The following KPNA5 variants were observed in gnomAD, a reference collection of about 807,000 sequenced individuals.
The protein encoded by KPNA5 is importin subunit alpha-6.
A neutral mutation model predicts 71.3 loss-of-function variants in KPNA5; 46 were observed. The ratio of observed to expected loss-of-function variants is 0.65; its 90% CI spans 0.51 to 0.83. The LOEUF (loss-of-function observed/expected upper bound fraction) is 0.83, where lower values mean the gene tolerates loss of function less well. Among genes scored for constraint, KPNA5 ranks in the 40% least tolerant of loss-of-function variants. KPNA5 has a pLI of 0.00. For missense variants in KPNA5, 547 were observed against 628.3 expected (o/e 0.87, Z 1.38); for synonymous variants, 207 against 201.4 (o/e 1.03, Z -0.24).
chr6:116,694,938 A>T (rs111767834), intron 4 of KPNA5, among the ~76,000 whole-genome samples: 67 of 152,176 alleles, frequency 4.4e-4, no homozygotes, highest in African/African-American at 1.5e-3. Context: ...ATTTTTATGA[A>T]CATTCACAAT....
chr6:116,730,000 G>T, intron 13 of KPNA5, among the ~76,000 whole-genome samples: 2 of 149,036 alleles, frequency 1.3e-5, no homozygotes, highest in African/African-American at 2.5e-5. Flanking sequence ...TTAACATTTT[G>T]GAGAAATTTT....
rs1349923783 is a variant in KPNA5, at chr6:116,734,746, A to C, written c.*2423A>C. The C allele has an allele frequency of 6.6e-6, 1 of 151,114 alleles. No individual in the cohort carries two copies. The highest frequency in any genetic ancestry group is 1.5e-5 in the Non-Finnish European group (1 of 67,572). The allele number at this position is 151,114 out of a possible 1,614,324, so 9.4% of individuals were successfully genotyped here. A position where few individuals can be genotyped will look rare whatever the true frequency, so the allele number is the denominator to read the frequency against. ...AAAAAAAAAAAGAAAGAAAGAAAAG[A>C]AAAAAATAAATAAAATGCTCCAAAA... On this transcript the variant is annotated 3_prime_UTR_variant, in exon 14 of 14. Coordinates refer to ENST00000368564, the MANE Select transcript of KPNA5 (RefSeq NM_001366306.2).
At chr6:116,686,164 C>T (rs997105728) in intron 1 of KPNA5, among the ~76,000 whole-genome samples, 12 of 152,062 alleles carry the variant, frequency 7.9e-5, no homozygotes, top group Non-Finnish European at 8.8e-5. Flanking sequence ...CTCTGCCTCC[C>T]GCCTCTGCCT....
chr6:116,695,197 G>A (rs944613760), intron 4 of KPNA5, among the ~76,000 whole-genome samples: 2 of 152,022 alleles, frequency 1.3e-5, no homozygotes, highest in Non-Finnish European at 2.9e-5. Context: ...CCAAAGTTCT[G>A]TGATTACAGG....
chr6:116,700,136 A>C (rs1412763366), intron 5 of KPNA5, among the ~76,000 whole-genome samples: 1 of 152,110 alleles, frequency 6.6e-6, no homozygotes, highest in African/African-American at 2.4e-5. Context: ...AAAGAGGAAA[A>C]TTAATGCTAG....
intron 11 of KPNA5, 132 bp downstream of exon 11, chr6:116,726,008 T>G: frequency 1.1e-6 from 1 of 940,370 alleles, no homozygotes; most frequent in South Asian, 1.8e-5. Context: ...AACATGGGCT[T>G]TCCTCCTCTA....
intron 1 of KPNA5, among the ~76,000 whole-genome samples, chr6:116,682,018 G>C (rs1207381991): frequency 1.3e-5 from 2 of 152,136 alleles, no homozygotes; most frequent in Non-Finnish European, 2.9e-5. Flanking sequence ...TGTAATCCCA[G>C]CACTTTGGGA....
Position 116,738,023 on chromosome 6 carries a change from T to C in KPNA5, c.*5700T>C, listed in dbSNP as rs1295720825. 6.6e-6 allele frequency: 1 copy of C among 152,044 alleles called. No individual in the cohort carries two copies. Among genetic ancestry groups the C allele is most frequent in the Non-Finnish European group, 1.5e-5 (1 of 67,962 alleles). The allele number at this position is 152,044 out of a possible 1,614,324, so 9.4% of individuals were successfully genotyped here. On this transcript the variant is annotated 3_prime_UTR_variant, in exon 14 of 14. Transcript: ENST00000368564. ...CCTTGAAGTACCATTTCAGCTGCAT[T>C]CCACAAGTTATTCAGCTCTAAGTAT...
At chr6:116,694,441 G>A (rs1380471845) in intron 4 of KPNA5, among the ~76,000 whole-genome samples, 1 of 152,018 alleles carries the variant, frequency 6.6e-6, no homozygotes, top group African/African-American at 2.4e-5. Flanking sequence ...TCTCCTTGAA[G>A]AGGTCCTTCA....
chr6:116,722,144 G>A lies in KPNA5; in HGVS notation c.775G>A (p.Val259Ile). 1 of 1,587,406 alleles carries A rather than the reference G, an allele frequency of 6.3e-7. No individual in the cohort carries two copies. The highest frequency in any genetic ancestry group is 8.6e-7 in the Non-Finnish European group (1 of 1,165,984). Residue 259 changes from valine to isoleucine, a missense_variant, in exon 9 of 14, where the codon GTC (valine) becomes ATC (isoleucine). Transcript: ENST00000368564. ...CTTACAGGTTTCACCTTGCTTAAAT[G>A]TCCTGTCACGACTGTTGTTTAGCAG... ...NFSKVSPCLN[V>I]LSRLLFSSDP...
chr6:116,692,619 C>A (rs1386989212), intron 4 of KPNA5, among the ~76,000 whole-genome samples: 1 of 151,820 alleles, frequency 6.6e-6, no homozygotes, highest in Non-Finnish European at 1.5e-5. Context: ...GTTAAAGAGG[C>A]AAATATAAAA....
intron 4 of KPNA5, among the ~76,000 whole-genome samples, chr6:116,698,021 A>G (rs1240742851): frequency 6.6e-6 from 1 of 152,018 alleles, no homozygotes; most frequent in Admixed American, 6.6e-5. Flanking sequence ...ATAAACAGGA[A>G]TAAGACTATC....
rs946629756 is a variant in KPNA5, at chr6:116,740,611, T to A, written c.*8288T>A. 5.9e-5 allele frequency: 9 copies of A among 152,084 alleles called. No homozygotes were observed. The highest frequency in any genetic ancestry group is 2.2e-4 in the African/African-American group (9 of 41,382). 9.4% of individuals were successfully genotyped at this position (152,084 alleles called of 1,614,324 possible). On this transcript the variant is annotated 3_prime_UTR_variant, in exon 14 of 14. Coordinates refer to ENST00000368564, the MANE Select transcript of KPNA5 (RefSeq NM_001366306.2). Reference sequence around the variant, plus strand: ...AATCAACCCAAATGTCCAACAATGATAGACTGGATTAAGAAAATGTGGCAC... The same window carrying A: ...AATCAACCCAAATGTCCAACAATGAAAGACTGGATTAAGAAAATGTGGCAC...
In KPNA5 at chr6:116,740,606, A is replaced by T. The variant is rs1779838106; in HGVS notation, c.*8283A>T. ...CTTGGAATCAACCCAAATGTCCAAC[A>T]ATGATAGACTGGATTAAGAAAATGT... On this transcript the variant is annotated 3_prime_UTR_variant, in exon 14 of 14. Coordinates refer to ENST00000368564, the MANE Select transcript of KPNA5 (RefSeq NM_001366306.2). 6.6e-6 allele frequency: 1 copy of T among 152,196 alleles called. No individual in the cohort carries two copies. Among genetic ancestry groups the T allele is most frequent in the Non-Finnish European group, 1.5e-5 (1 of 68,054 alleles). The allele number at this position is 152,196 out of a possible 1,614,324, so 9.4% of individuals were successfully genotyped here.
chr6:116,708,216 G>A (rs959924446), intron 7 of KPNA5, among the ~76,000 whole-genome samples: 1 of 152,172 alleles, frequency 6.6e-6, no homozygotes, highest in African/African-American at 2.4e-5. Flanking sequence ...GAACATTCAT[G>A]TACAAGGTTT....
intron 7 of KPNA5, among the ~76,000 whole-genome samples, chr6:116,711,454 A>T (rs1562444774): frequency 6.8e-6 from 1 of 148,022 alleles, no homozygotes; most frequent in African/African-American, 2.5e-5. Context: ...ACAACTATAA[A>T]TTTTTTTCTG....
chr6:116,725,739 A>C lies in KPNA5; in HGVS notation c.1000-12A>C. The C allele has an allele frequency of 6.3e-7, 1 of 1,598,112 alleles. No individual in the cohort carries two copies. The highest frequency in any genetic ancestry group is 2.2e-5 in the East Asian group (1 of 44,662). On this transcript the variant is annotated splice_polypyrimidine_tract_variant and intron_variant, in intron 10 of 13. Transcript: ENST00000368564. ...TATAAAACTTTTTGTTTCCATTTCT[A>C]ACTTGTTTTAGGTAATTTTGAATTG...
intron 7 of KPNA5, among the ~76,000 whole-genome samples, chr6:116,710,137 A>C (rs1488840783): frequency 6.6e-6 from 1 of 152,098 alleles, no homozygotes; most frequent in Middle Eastern, 3.2e-3. Context: ...TTGTTTTTTT[A>C]AATTCATTAT....
chr6:116,695,398 T>C (rs574174940), intron 4 of KPNA5, among the ~76,000 whole-genome samples: 1 of 152,332 alleles, frequency 6.6e-6, no homozygotes, highest in South Asian at 2.1e-4. Context: ...TAAGAATTCA[T>C]TTAAATAAAA....
Sources: allele counts gnomAD v4.1 joint callset (sites outside exome capture counted in the v4.1 genomes callset), GRCh38; gene constraint gnomAD v4.1.1; transcripts MANE v1.5; gene names NCBI Gene and HGNC (gene_info 2026-07-23, HGNC 2026-07-21).